NCKAP5: variants seen among roughly 807,000 people sequenced by gnomAD.
NCKAP5 encodes the protein nck-associated protein 5.
A neutral mutation model predicts 167.0 loss-of-function variants in NCKAP5; 92 were observed. The observed-to-expected ratio is 0.55, with a 90% confidence interval of 0.47 to 0.66. The LOEUF (loss-of-function observed/expected upper bound fraction) is 0.66, where lower values mean the gene tolerates loss of function less well. Among genes scored for constraint, NCKAP5 ranks in the 30% least tolerant of loss-of-function variants. The pLI, the probability that NCKAP5 is intolerant of heterozygous loss-of-function variation, is 0.00. For synonymous variants in NCKAP5, 891 were observed against 877.4 expected, an observed-to-expected ratio of 1.02 and a Z score of -0.27; for missense variants, 2,378 against 2,315.0, an observed-to-expected ratio of 1.03 and a Z score of -0.56.
chr2:132,908,589 G>T (rs1038922594), intron 8 of NCKAP5, among the ~76,000 whole-genome samples: 4 of 152,100 alleles, frequency 2.6e-5, no homozygotes, highest in African/African-American at 9.7e-5. Context: ...TTGTTTTTAA[G>T]CCTCTTGATT....
chr2:133,388,687 G>A (rs934256243), intron 3 of NCKAP5, among the ~76,000 whole-genome samples: 1 of 152,218 alleles, frequency 6.6e-6, no homozygotes, highest in Non-Finnish European at 1.5e-5. Context: ...GATCCACCCA[G>A]TCCAAGCTTC....
chr2:133,359,224 C>T (rs1436214521), intron 3 of NCKAP5, among the ~76,000 whole-genome samples: 1 of 152,170 alleles, frequency 6.6e-6, no homozygotes, highest in Non-Finnish European at 1.5e-5. Context: ...GTGACTTAAT[C>T]AGTCCTCTCT....
At chr2:133,190,147 C>A (rs572529299) in intron 5 of NCKAP5, among the ~76,000 whole-genome samples, 2 of 152,140 alleles carry the variant, frequency 1.3e-5, no homozygotes, top group East Asian at 3.9e-4. Context: ...AACAGAGAGC[C>A]AAATCATGAG....
intron 5 of NCKAP5, among the ~76,000 whole-genome samples, chr2:133,178,372 G>A (rs918462662): frequency 1.3e-5 from 2 of 151,690 alleles, no homozygotes; most frequent in Admixed American, 1.3e-4. Flanking sequence ...GGTTGTGGTG[G>A]GACAATCCTG....
intron 8 of NCKAP5, among the ~76,000 whole-genome samples, chr2:132,902,587 C>T (rs144331056): frequency 6.6e-6 from 1 of 152,310 alleles, no homozygotes; most frequent in Admixed American, 6.5e-5. Context: ...AGCAAATTTG[C>T]CTTCTCACTT....
intron 19 of NCKAP5, among the ~76,000 whole-genome samples, chr2:132,702,637 ATAAT>A (rs1377183112): frequency 6.6e-6 from 1 of 152,156 alleles, no homozygotes; most frequent in African/African-American, 2.4e-5. Flanking sequence ...CATTCACAGA[ATAAT>A]TACTCATTTC....
intron 5 of NCKAP5, among the ~76,000 whole-genome samples, chr2:133,180,470 G>A (rs1366569203): frequency 1.3e-5 from 2 of 151,918 alleles, no homozygotes; most frequent in Admixed American, 1.3e-4. Flanking sequence ...CGTAGTAGCT[G>A]GAGACTACAG....
At chr2:133,492,045 C>T (rs1315794961) in intron 3 of NCKAP5, among the ~76,000 whole-genome samples, 1 of 152,086 alleles carries the variant, frequency 6.6e-6, no homozygotes, top group Non-Finnish European at 1.5e-5. Flanking sequence ...GTAAGGCCTT[C>T]CCAGCCACTC....
intron 3 of NCKAP5, among the ~76,000 whole-genome samples, chr2:133,424,999 G>C (rs376775378): frequency 5.3e-5 from 8 of 152,330 alleles, no homozygotes; most frequent in South Asian, 2.1e-4. Flanking sequence ...AGCTGAGAAG[G>C]CCATAAAATA....
the NCKAP5 span, among the ~76,000 whole-genome samples, chr2:133,631,023 C>G: frequency 6.6e-6 from 1 of 151,922 alleles, no homozygotes; most frequent in Non-Finnish European, 1.5e-5. Flanking sequence ...AAATGCCCAA[C>G]AAGAAGGAAT....
At chr2:132,824,835 C>CT (rs1401927393) in intron 11 of NCKAP5, among the ~76,000 whole-genome samples, 2 of 152,206 alleles carry the variant, frequency 1.3e-5, no homozygotes, top group African/African-American at 4.8e-5. Context: ...GCAAGGTCTC[C>CT]TGAGTGTTTA....
At chr2:132,778,152 A>C (rs1416869169) in intron 15 of NCKAP5, among the ~76,000 whole-genome samples, 3 of 152,078 alleles carry the variant, frequency 2.0e-5, no homozygotes, top group African/African-American at 7.2e-5. Flanking sequence ...CAGTCTTTCT[A>C]GGAGATGCCT....
chr2:132,872,843 G>C (rs1574479998), intron 9 of NCKAP5, among the ~76,000 whole-genome samples: 1 of 152,334 alleles, frequency 6.6e-6, no homozygotes, highest in East Asian at 1.9e-4. Flanking sequence ...ATATGGACTT[G>C]GGTTAAAACA....
chr2:132,978,008 G>A (rs944456930), intron 7 of NCKAP5, among the ~76,000 whole-genome samples: 1 of 152,164 alleles, frequency 6.6e-6, no homozygotes, highest in Non-Finnish European at 1.5e-5. Context: ...GAGAAGCAAA[G>A]AGCTACTTGG....
chr2:132,672,897 A>C lies in NCKAP5; in HGVS notation c.*392T>G. ...AGCTCTGGTGGGTTGCCTGCTGTGAATTTGACAAGGAAGGCTCTGGTACTG... is the reference window on the plus strand; with the variant it reads ...AGCTCTGGTGGGTTGCCTGCTGTGACTTTGACAAGGAAGGCTCTGGTACTG... On this transcript the variant is annotated 3_prime_UTR_variant, in exon 20 of 20. Transcript: ENST00000409261. 1.1e-6 allele frequency: 1 copy of C among 940,370 alleles called. No homozygotes were observed. Among genetic ancestry groups the C allele is most frequent in the Non-Finnish European group, 1.3e-6 (1 of 787,290 alleles). The allele number at this position is 940,370 out of a possible 1,614,324, so 58.3% of individuals were successfully genotyped here.
chr2:133,146,067 G>A (rs2083184913), intron 5 of NCKAP5, among the ~76,000 whole-genome samples: 2 of 151,848 alleles, frequency 1.3e-5, no homozygotes, highest in Admixed American at 1.3e-4. Context: ...CTCTTGTGAT[G>A]AAGTTATTAA....
intron 6 of NCKAP5, among the ~76,000 whole-genome samples, chr2:133,028,253 T>A (rs1437530889): frequency 6.6e-6 from 1 of 152,206 alleles, no homozygotes; most frequent in Non-Finnish European, 1.5e-5. Flanking sequence ...AGATAAATTA[T>A]TAGCTGCCCA....
intron 8 of NCKAP5, among the ~76,000 whole-genome samples, chr2:132,910,829 G>A (rs1694389491): frequency 6.6e-6 from 1 of 152,158 alleles, no homozygotes; most frequent in Non-Finnish European, 1.5e-5. Flanking sequence ...TTGGAAATGA[G>A]ACTGTACCAA....
intron 6 of NCKAP5, among the ~76,000 whole-genome samples, chr2:133,077,514 T>G (rs1280579282): frequency 6.6e-6 from 1 of 152,182 alleles, no homozygotes; most frequent in African/African-American, 2.4e-5. Context: ...CTCTTTCTGG[T>G]AAAAGCTAGA....
Sources: gnomAD v4.1 joint callset for allele counts (sites outside exome capture counted in the v4.1 genomes callset) on GRCh38, gnomAD v4.1.1 for gene constraint, MANE v1.5 for transcripts, NCBI Gene and HGNC (gene_info 2026-07-23, HGNC 2026-07-21) for gene names.